Variants in SHANK2 observed in about 807,000 individuals in gnomAD.
SHANK2 encodes the protein SH3 and multiple ankyrin repeat domains 2.
SHANK2 carries 43 observed loss-of-function variants against 133.7 expected under a neutral mutation model. The ratio of observed to expected loss-of-function variants is 0.32; its 90% CI spans 0.25 to 0.41. The LOEUF (loss-of-function observed/expected upper bound fraction) is 0.41, where lower values mean the gene tolerates loss of function less well. Ranked by LOEUF, SHANK2 falls within the 10% of genes least tolerant of loss-of-function variation. The pLI, the probability that SHANK2 is intolerant of heterozygous loss-of-function variation, is 1.00. For synonymous variants in SHANK2, 1,017 were observed against 952.8 expected, an observed-to-expected ratio of 1.07 and a Z score of -1.24; for missense variants, 1,994 against 2,235.8, an observed-to-expected ratio of 0.89 and a Z score of 2.18.
chr11:70,578,182 G>C (rs781824719), intron 17 of SHANK2, among the ~76,000 whole-genome samples: 13 of 152,228 alleles, frequency 8.5e-5, no homozygotes, highest in Non-Finnish European at 1.9e-4. Context: ...TGCACAGACA[G>C]GGAAGCGGCC....
chr11:71,212,243 C>T (rs1398266255), intron 2 of SHANK2, among the ~76,000 whole-genome samples: 2 of 152,104 alleles, frequency 1.3e-5, no homozygotes, highest in South Asian at 4.2e-4. Flanking sequence ...CTTAGAGACT[C>T]CTCATGGTTC....
At position 70,562,832 on chromosome 11, in the gene SHANK2, G is replaced by A. The variant is rs557662023; in HGVS notation, c.2062-59901C>T. ...TCCCTTGTATATTTTGCCCACCCCC[G>A]CCAATTCTCTCATTTTCTGCCTTCT... On this transcript the variant is annotated intron_variant, in intron 17 of 25. Transcript: ENST00000601538. Among the ~76,000 whole-genome samples, 22 of 151,912 alleles carry A rather than the reference G, an allele frequency of 1.4e-4. No individual in the cohort carries two copies. The East Asian group carries it at 1.7e-3, about 12-fold the overall frequency.
intron 2 of SHANK2, among the ~76,000 whole-genome samples, chr11:71,158,508 C>A (rs1164300580): frequency 8.5e-5 from 13 of 152,164 alleles, no homozygotes. Context: ...ATACAATGAT[C>A]ATGGACATTA....
chr11:70,741,283 T>TC (rs1946521175), intron 14 of SHANK2, among the ~76,000 whole-genome samples: 11 of 121,998 alleles, frequency 9.0e-5, no homozygotes, highest in African/African-American at 3.0e-4. Flanking sequence ...ATCCATCCAT[T>TC]CATCCATCCG....
chr11:70,936,720 G>A (rs1308047676), intron 10 of SHANK2, among the ~76,000 whole-genome samples: 1 of 152,160 alleles, frequency 6.6e-6, no homozygotes, highest in Non-Finnish European at 1.5e-5. Context: ...ATAGAGAGCT[G>A]GTGCAGGCCG....
At chr11:71,125,777 A>T (rs2135302213) in intron 3 of SHANK2, among the ~76,000 whole-genome samples, 1 of 152,334 alleles carries the variant, frequency 6.6e-6, no homozygotes, top group East Asian at 1.9e-4. Flanking sequence ...GGCATCTAGG[A>T]CTTTCATAGC....
chr11:70,725,039 G>A (rs1946150924), intron 14 of SHANK2, among the ~76,000 whole-genome samples: 1 of 152,142 alleles, frequency 6.6e-6, no homozygotes. Flanking sequence ...AGCTTTCACA[G>A]GTAAGAAAAG....
intron 10 of SHANK2, among the ~76,000 whole-genome samples, chr11:70,945,182 G>A (rs1232383411): frequency 6.6e-6 from 1 of 152,132 alleles, no homozygotes; most frequent in Non-Finnish European, 1.5e-5. Flanking sequence ...TCAAAAGAAG[G>A]ACTTCCCTCG....
chr11:70,858,858 G>A lies in SHANK2; in HGVS notation c.1174+37643C>T, dbSNP rs150451391. On this transcript the variant is annotated intron_variant, in intron 11 of 25. Coordinates refer to ENST00000601538, the MANE Select transcript of SHANK2 (RefSeq NM_012309.5). ...CCAAGCAAGTTCTTTCCTACTGCAGGGTCTTGGCCAAAGCTGTTTTCAGGA... is the reference window on the plus strand; with the variant it reads ...CCAAGCAAGTTCTTTCCTACTGCAGAGTCTTGGCCAAAGCTGTTTTCAGGA... Among the ~76,000 whole-genome samples the A allele has an allele frequency of 1.4e-4, 22 of 152,282 alleles. No homozygotes were observed. In the East Asian group the frequency reaches 4.2e-3, roughly 29 times the overall value.
intron 10 of SHANK2, among the ~76,000 whole-genome samples, chr11:70,951,907 G>A (rs1395466108): frequency 2.0e-5 from 3 of 152,230 alleles, no homozygotes; most frequent in East Asian, 1.9e-4. Flanking sequence ...GTCTCTTTTC[G>A]CTTTTCTTAA....
Position 70,644,621 on chromosome 11 carries a change from T to G in SHANK2, c.2061+15207A>C, listed in dbSNP as rs764144157. On this transcript the variant is annotated intron_variant, in intron 17 of 25. Transcript: ENST00000601538. ...GCTGCAAATGCAAGAGGGAGGTTGATCTTGGAAGAACACACCTTTCCAACA... is the reference window on the plus strand; with the variant it reads ...GCTGCAAATGCAAGAGGGAGGTTGAGCTTGGAAGAACACACCTTTCCAACA... Among the ~76,000 whole-genome samples the G allele has an allele frequency of 5.3e-4, 81 of 152,302 alleles. No homozygotes were observed. In the Middle Eastern group the frequency reaches 0.014, roughly 26 times the overall value.
At chr11:71,065,618 G>T (rs1378008769) in intron 9 of SHANK2, among the ~76,000 whole-genome samples, 2 of 142,396 alleles carry the variant, frequency 1.4e-5, no homozygotes, top group Non-Finnish European at 3.1e-5. Flanking sequence ...GACGTTGCAG[G>T]GGGGTGTGTG....
At chr11:70,557,780 G>A (rs1554979952) in intron 17 of SHANK2, among the ~76,000 whole-genome samples, 2 of 152,182 alleles carry the variant, frequency 1.3e-5, no homozygotes, top group Non-Finnish European at 2.9e-5. Context: ...GGCTGGGCCT[G>A]CACGTTTCCA....
intron 3 of SHANK2, among the ~76,000 whole-genome samples, chr11:71,146,567 G>A (rs1287531439): frequency 3.9e-5 from 6 of 152,188 alleles, no homozygotes; most frequent in African/African-American, 7.2e-5. Context: ...GGCTCTGGGC[G>A]GCACAGGAAT....
At chr11:70,861,703 CTACAGTTGCCTCTGCAGG>C (rs1176333045) in intron 11 of SHANK2, among the ~76,000 whole-genome samples, 2 of 152,118 alleles carry the variant, frequency 1.3e-5, no homozygotes, top group Admixed American at 6.5e-5. Context: ...ATATAGCAAC[CTACAGTTGCCTCTGCAGG>C]CTGCAGGGTT....
intron 14 of SHANK2, among the ~76,000 whole-genome samples, chr11:70,782,472 C>A (rs1947522785): frequency 6.6e-6 from 1 of 152,236 alleles, no homozygotes; most frequent in South Asian, 2.1e-4. Context: ...CCCAGTCGAG[C>A]TGCCCTGCTG....
chr11:70,738,800 G>A (rs1555034135), intron 14 of SHANK2, among the ~76,000 whole-genome samples: 1 of 152,226 alleles, frequency 6.6e-6, no homozygotes, highest in Non-Finnish European at 1.5e-5. Context: ...GGAAGTGGTA[G>A]TTTACAACAA....
chr11:70,750,239 A>G (rs1946725569), intron 14 of SHANK2, among the ~76,000 whole-genome samples: 1 of 152,230 alleles, frequency 6.6e-6, no homozygotes, highest in Non-Finnish European at 1.5e-5. Context: ...CATGTGTATA[A>G]CAAGTGTGGA....
At chr11:70,617,482 G>A (rs1433047772) in intron 17 of SHANK2, among the ~76,000 whole-genome samples, 2 of 93,556 alleles carry the variant, frequency 2.1e-5, no homozygotes, top group Non-Finnish European at 5.1e-5. Context: ...AGGTGGAGCA[G>A]ATTTGTCAAA....
Sources: gnomAD v4.1 joint callset for allele counts (sites outside exome capture counted in the v4.1 genomes callset) on GRCh38, gnomAD v4.1.1 for gene constraint, MANE v1.5 for transcripts, NCBI Gene and HGNC (gene_info 2026-07-23, HGNC 2026-07-21) for gene names.